The following TBL1X variants were observed in gnomAD, a reference collection of about 807,000 sequenced individuals.
TBL1X encodes F-box-like/WD repeat-containing protein TBL1X.
TBL1X carries 10 observed loss-of-function variants against 50.7 expected under a neutral mutation model. That is an observed-to-expected ratio of 0.20 (90% CI 0.12 to 0.33). The LOEUF is 0.33. Ranked by LOEUF, TBL1X falls within the 10% of genes least tolerant of loss-of-function variation. The probability of loss-of-function intolerance (pLI) is 1.00; values close to 1 mark genes in which losing one functional copy is unlikely to be tolerated. For missense variants in TBL1X, 340 were observed against 504.4 expected (o/e 0.67, Z 3.12); for synonymous variants, 190 against 214.7 (o/e 0.88, Z 1.01).
At chrX:9,472,117 C>G (rs2081818971) in intron 1 of TBL1X, among the ~76,000 whole-genome samples, 1 of 111,920 alleles carries the variant, frequency 8.9e-6, no homozygotes, top group African/African-American at 3.2e-5. Context: ...CAATTAGGGA[C>G]CTGCCTGTTG....
chrX:9,571,232 G>T (rs775694343), intron 2 of TBL1X, among the ~76,000 whole-genome samples: 12 of 111,602 alleles, frequency 1.1e-4, no homozygotes, highest in South Asian at 3.8e-4. Context: ...TCCTCGGAGC[G>T]TCTGTGTATG....
At chrX:9,658,632 C>A (rs1273517250) in intron 5 of TBL1X, among the ~76,000 whole-genome samples, 4 of 111,655 alleles carry the variant, frequency 3.6e-5, no homozygotes, top group Non-Finnish European at 7.5e-5. Context: ...ACATGTTCTC[C>A]CAGACCCACA....
chrX:9,681,991 G>A (rs2083028233), intron 5 of TBL1X, among the ~76,000 whole-genome samples: 1 of 112,830 alleles, frequency 8.9e-6, no homozygotes, highest in African/African-American at 3.2e-5. Flanking sequence ...GAATCACTGT[G>A]GCCCAGAGTA....
chrX:9,504,817 AGACTGAACCTAC>A (rs1164712843), intron 2 of TBL1X, among the ~76,000 whole-genome samples: 1 of 112,069 alleles, frequency 8.9e-6, no homozygotes, highest in Admixed American at 9.5e-5. Flanking sequence ...CCTCATAAAA[AGACTGAACCTAC>A]GATTGAGTGG....
At chrX:9,588,580 T>G (rs1045708761) in intron 2 of TBL1X, among the ~76,000 whole-genome samples, 2 of 106,577 alleles carry the variant, frequency 1.9e-5, no homozygotes, top group Non-Finnish European at 3.8e-5. Context: ...TTTGATATTT[T>G]GTCATGTACT....
chrX:9,668,148 AATAATT>A (rs2146613641), intron 5 of TBL1X, among the ~76,000 whole-genome samples: 1 of 111,147 alleles, frequency 9.0e-6, no homozygotes, highest in Admixed American at 9.7e-5. Flanking sequence ...TGTTATCATT[AATAATT>A]ATAATTGTTA....
chrX:9,474,999 G>A (rs2081840828), intron 1 of TBL1X, among the ~76,000 whole-genome samples: 1 of 111,533 alleles, frequency 9.0e-6, no homozygotes, highest in African/African-American at 3.3e-5. Flanking sequence ...TCAGCCTCCC[G>A]AGTTGCTGGG....
intron 6 of TBL1X, among the ~76,000 whole-genome samples, chrX:9,686,866 C>T (rs1310177675): frequency 1.8e-5 from 2 of 112,626 alleles, no homozygotes; most frequent in Non-Finnish European, 3.8e-5. Context: ...TTGTCCACTC[C>T]ATGGCCAGAA....
chrX:9,564,035 AG>A (rs1396911192), intron 2 of TBL1X, among the ~76,000 whole-genome samples: 1 of 112,951 alleles, frequency 8.9e-6, no homozygotes, highest in African/African-American at 3.2e-5. Context: ...ACGTGAAGTT[AG>A]AAAACAGACT....
chrX:9,552,394 C>T (rs1173630811), intron 2 of TBL1X, among the ~76,000 whole-genome samples: 2 of 111,388 alleles, frequency 1.8e-5, no homozygotes, highest in African/African-American at 6.5e-5. Flanking sequence ...GCATCAATGT[C>T]TGTGTGTCAA....
chrX:9,698,715 G>C (rs1185734822), intron 12 of TBL1X, among the ~76,000 whole-genome samples: 1 of 111,906 alleles, frequency 8.9e-6, no homozygotes, highest in African/African-American at 3.2e-5. Flanking sequence ...CGTCTGTTAG[G>C]GGAGGGTGGG....
intron 2 of TBL1X, among the ~76,000 whole-genome samples, chrX:9,571,035 A>G (rs1371409067): frequency 8.9e-6 from 1 of 112,259 alleles, no homozygotes; most frequent in Non-Finnish European, 1.9e-5. Context: ...AGGATATTAT[A>G]TGAGTCTGCT....
At chrX:9,588,266 C>T (rs1931657647) in intron 2 of TBL1X, among the ~76,000 whole-genome samples, 1 of 111,376 alleles carries the variant, frequency 9.0e-6, no homozygotes, top group South Asian at 3.8e-4. Flanking sequence ...GGAGGATACT[C>T]GGATTTTGGT....
intron 2 of TBL1X, among the ~76,000 whole-genome samples, chrX:9,549,037 A>T (rs766087943): frequency 5.1e-4 from 58 of 113,393 alleles, no homozygotes; most frequent in Non-Finnish European, 7.7e-4. Flanking sequence ...ACTTGAAGAC[A>T]GCAGCTGGCC....
At chrX:9,597,528 T>A (rs2082532458) in intron 2 of TBL1X, among the ~76,000 whole-genome samples, 1 of 112,507 alleles carries the variant, frequency 8.9e-6, no homozygotes, top group Non-Finnish European at 1.9e-5. Context: ...GCCTAGTTCC[T>A]TGCAGTCCTT....
intron 3 of TBL1X, among the ~76,000 whole-genome samples, chrX:9,651,640 T>C (rs1007458968): frequency 8.0e-5 from 9 of 112,582 alleles, no homozygotes; most frequent in African/African-American, 2.6e-4. Flanking sequence ...GGTCATGCTA[T>C]GATTTCATAG....
intron 2 of TBL1X, among the ~76,000 whole-genome samples, chrX:9,526,369 G>A (rs1312087303): frequency 8.9e-6 from 1 of 111,794 alleles, no homozygotes; most frequent in Non-Finnish European, 1.9e-5. Flanking sequence ...TGAAGCCTGT[G>A]TTTTTGGCAT....
At chrX:9,634,404 T>TATGG (rs760626317) in intron 2 of TBL1X, among the ~76,000 whole-genome samples, 1 of 111,854 alleles carries the variant, frequency 8.9e-6, no homozygotes, top group Non-Finnish European at 1.9e-5. Flanking sequence ...TAGAAGCACT[T>TATGG]ATGGTACTAA....
intron 2 of TBL1X, among the ~76,000 whole-genome samples, chrX:9,547,202 A>T (rs1037373984): frequency 4.5e-5 from 5 of 111,636 alleles, no homozygotes; most frequent in Non-Finnish European, 9.4e-5. Flanking sequence ...AAATTTGCCC[A>T]GTGGGAACCC....
Sources: allele counts gnomAD v4.1 joint callset (sites outside exome capture counted in the v4.1 genomes callset), GRCh38; gene constraint gnomAD v4.1.1; transcripts MANE v1.5; gene names NCBI Gene and HGNC (gene_info 2026-07-23, HGNC 2026-07-21).